OCM: variants seen among roughly 807,000 people sequenced by gnomAD.
The protein encoded by OCM is oncomodulin-1.
In OCM, 18 loss-of-function variants were observed where a neutral mutation model predicts 14.1. The observed-to-expected ratio is 1.28, with a 90% CI of 0.88 to 1.89. The LOEUF is 1.89. Among genes scored for constraint, OCM ranks in the 40% most tolerant of loss-of-function variants. The pLI is 0.00. For missense variants in OCM, 140 were observed against 137.6 expected, an observed-to-expected ratio of 1.02 and a Z score of -0.09; for synonymous variants, 48 against 51.0, an observed-to-expected ratio of 0.94 and a Z score of 0.25.
intron 3 of OCM, among the ~76,000 whole-genome samples, chr7:5,884,610 A>T (rs1418458749): frequency 6.6e-6 from 1 of 152,052 alleles, no homozygotes; most frequent in Non-Finnish European, 1.5e-5. Flanking sequence ...TCATGTTGCT[A>T]GCGTGCTTTT....
At chr7:5,882,768 G>T in intron 2 of OCM, 143 bp downstream of exon 2, 1 of 948,780 alleles carries the variant, frequency 1.1e-6, no homozygotes, top group South Asian at 1.7e-5. Flanking sequence ...CAAAGGACAT[G>T]AGTCAGTTGA....
chr7:5,877,070 T>G (rs1286088811), upstream of OCM, among the ~76,000 whole-genome samples: 2 of 152,136 alleles, frequency 1.3e-5, no homozygotes, highest in Non-Finnish European at 2.9e-5. Flanking sequence ...CCTCCCAAAG[T>G]GCTGGGATTA....
the OCM span, among the ~76,000 whole-genome samples, chr7:5,869,470 T>C: frequency 6.6e-6 from 1 of 151,916 alleles, no homozygotes. Context: ...TGGTGGTGTG[T>C]GCCTGTAGTC....
At chr7:5,875,040 C>CTA (rs781737448), upstream of OCM, among the ~76,000 whole-genome samples, 423 of 144,174 alleles carry the variant, frequency 2.9e-3, 3 homozygotes, top group South Asian at 4.3e-3. Flanking sequence ...ATATCTATAT[C>CTA]TATATATATA....
Position 5,886,215 on chromosome 7 carries a change from C to T in OCM, c.*126C>T. The stretch of plus-strand genomic sequence containing the variant: ...GTTAATTTTCCCTGAAAACCTTCTG[C>T]AGTTTGCTCATTGTTTTAGTGAGGT... On this transcript the variant is annotated 3_prime_UTR_variant, in exon 4 of 4. Transcript: ENST00000242104. 3 of 1,278,420 alleles carry T rather than the reference C, an allele frequency of 2.3e-6. No individual in the cohort carries two copies. Among genetic ancestry groups the T allele is most frequent in the South Asian group, 1.3e-5 (1 of 75,536 alleles). 79.2% of individuals were successfully genotyped at this position (1,278,420 alleles called of 1,614,324 possible).
chr7:5,871,579 C>T, the OCM span, among the ~76,000 whole-genome samples: 3 of 152,024 alleles, frequency 2.0e-5, no homozygotes, highest in Non-Finnish European at 2.9e-5. Flanking sequence ...GTGAACTGGG[C>T]AATGTTGCAC....
At chr7:5,884,461 C>T (rs547557780) in intron 3 of OCM, among the ~76,000 whole-genome samples, 179 of 152,310 alleles carry the variant, frequency 1.2e-3, no homozygotes, top group African/African-American at 4.1e-3. Flanking sequence ...TTTTATTGGA[C>T]ATTAGCCCGC....
the OCM span, among the ~76,000 whole-genome samples, chr7:5,861,830 C>T: frequency 7.9e-5 from 12 of 151,994 alleles, no homozygotes; most frequent in Admixed American, 3.9e-4. Flanking sequence ...CCTACCGCCT[C>T]GGCCTCCCAA....
the OCM span, among the ~76,000 whole-genome samples, chr7:5,866,402 A>G: frequency 6.0e-4 from 30 of 49,752 alleles, no homozygotes; most frequent in African/African-American, 2.5e-3. Context: ...GGAAGGAAAG[A>G]AGGAAGGGGG....
the OCM span, among the ~76,000 whole-genome samples, chr7:5,865,984 T>C: frequency 6.6e-6 from 1 of 152,092 alleles, no homozygotes; most frequent in Admixed American, 6.6e-5. Flanking sequence ...TTCAGGGCAG[T>C]TTAAGGGCTA....
At chr7:5,874,241 A>G in the OCM span, among the ~76,000 whole-genome samples, 1 of 149,974 alleles carries the variant, frequency 6.7e-6, no homozygotes, top group Non-Finnish European at 1.5e-5. Flanking sequence ...AAAAAAAAAA[A>G]AAAAAAAAAA....
the OCM span, among the ~76,000 whole-genome samples, chr7:5,860,569 GTATA>G: frequency 4.1e-5 from 1 of 24,488 alleles, no homozygotes; most frequent in Non-Finnish European, 6.3e-5. Context: ...ATATACGTGT[GTATA>G]TATATTACGT....
At chr7:5,865,735 A>G in the OCM span, among the ~76,000 whole-genome samples, 1 of 152,194 alleles carries the variant, frequency 6.6e-6, no homozygotes, top group Non-Finnish European at 1.5e-5. Flanking sequence ...GCGACCTGGA[A>G]GTCCCAGAGA....
intron 2 of OCM, among the ~76,000 whole-genome samples, chr7:5,883,306 G>A (rs1304927502): frequency 3.3e-5 from 5 of 152,104 alleles, no homozygotes; most frequent in African/African-American, 4.8e-5. Flanking sequence ...AGCCCAGATC[G>A]TGCAGCTGCA....
upstream of OCM, among the ~76,000 whole-genome samples, chr7:5,878,413 G>A (rs1055538884): frequency 3.3e-5 from 5 of 151,564 alleles, no homozygotes; most frequent in Non-Finnish European, 5.9e-5. Context: ...TCAATAATGC[G>A]CCAAGAGTTA....
the OCM span, among the ~76,000 whole-genome samples, chr7:5,873,343 C>T: frequency 6.6e-6 from 1 of 152,056 alleles, no homozygotes; most frequent in Non-Finnish European, 1.5e-5. Flanking sequence ...TGCCATTGCA[C>T]TCCAGACTGG....
the OCM span, among the ~76,000 whole-genome samples, chr7:5,862,187 G>C: frequency 6.6e-6 from 1 of 152,216 alleles, no homozygotes; most frequent in Admixed American, 6.5e-5. Flanking sequence ...TGTTTGTATT[G>C]TGAAAGAAGG....
chr7:5,882,673 C>T, intron 2 of OCM, 48 bp downstream of exon 2: 3 of 1,606,436 alleles, frequency 1.9e-6, no homozygotes, highest in Admixed American at 1.7e-5. Flanking sequence ...GCTGAGTGGG[C>T]CTGGGGTGCA....
chr7:5,863,099 G>A, the OCM span, among the ~76,000 whole-genome samples: 2 of 152,188 alleles, frequency 1.3e-5, no homozygotes, highest in Admixed American at 6.5e-5. Flanking sequence ...TTCCTGAGCT[G>A]GAGAGGAATG....
Sources: allele counts gnomAD v4.1 joint callset (sites outside exome capture counted in the v4.1 genomes callset), GRCh38; gene constraint gnomAD v4.1.1; transcripts MANE v1.5; gene names NCBI Gene and HGNC (gene_info 2026-07-23, HGNC 2026-07-21).